PIBF1: variants seen among roughly 807,000 people sequenced by gnomAD.
PIBF1 encodes progesterone immunomodulatory binding factor 1, also known as progesterone-induced-blocking factor 1.
Under a neutral mutation model 112.5 loss-of-function variants are expected in PIBF1, and 90 were observed. That is an observed-to-expected ratio of 0.80 (90% CI 0.67 to 0.95). The LOEUF (loss-of-function observed/expected upper bound fraction) is 0.95, where lower values mean the gene tolerates loss of function less well. Ranked by LOEUF, PIBF1 falls within the 40% of genes least tolerant of loss-of-function variation. The pLI, the probability that PIBF1 is intolerant of heterozygous loss-of-function variation, is 0.00. For missense variants in PIBF1, 915 were observed against 852.3 expected, an observed-to-expected ratio of 1.07 and a Z score of -0.92; for synonymous variants, 301 against 288.6, an observed-to-expected ratio of 1.04 and a Z score of -0.44.
intron 14 of PIBF1, among the ~76,000 whole-genome samples, chr13:72,942,112 C>T (rs2042027665): frequency 6.6e-6 from 1 of 152,098 alleles, no homozygotes; most frequent in Admixed American, 6.6e-5. Context: ...CCAGTGAGCT[C>T]AGTCTCTTGG....
At chr13:72,933,012 G>C (rs182110300) in intron 14 of PIBF1, among the ~76,000 whole-genome samples, 162 of 152,198 alleles carry the variant, frequency 1.1e-3, no homozygotes, top group African/African-American at 3.8e-3. Context: ...TCATGTACAA[G>C]TCTTTGTATG....
chr13:72,983,446 G>A (rs1456647810), intron 16 of PIBF1, among the ~76,000 whole-genome samples: 2 of 152,150 alleles, frequency 1.3e-5, no homozygotes, highest in African/African-American at 2.4e-5. Flanking sequence ...TAAGTACTTA[G>A]AATGTACAAG....
Position 72,869,268 on chromosome 13 carries a change from A to G in PIBF1, c.1322+15113A>G, listed in dbSNP as rs113733257. Among the ~76,000 whole-genome samples the G allele has an allele frequency of 4.3e-3, 653 of 152,300 alleles. 10 individuals carry two copies. Among genetic ancestry groups the G allele is most frequent in the African/African-American group, 0.015 (607 of 41,556 alleles). On this transcript the variant is annotated intron_variant, in intron 10 of 17. Coordinates refer to ENST00000326291, the MANE Select transcript of PIBF1 (RefSeq NM_006346.4). ...TGAGAAAGTGTGGCACGTGTACACCATGGGATACTATGCAGCCATAAAAAA... is the reference window on the plus strand; with the variant it reads ...TGAGAAAGTGTGGCACGTGTACACCGTGGGATACTATGCAGCCATAAAAAA...
At chr13:72,970,088 C>T (rs550266503) in intron 15 of PIBF1, among the ~76,000 whole-genome samples, 1 of 152,228 alleles carries the variant, frequency 6.6e-6, no homozygotes, top group African/African-American at 2.4e-5. Context: ...TAATTGTATG[C>T]TTTTCTTAGA....
chr13:72,892,890 A>G (rs745787371), intron 10 of PIBF1, among the ~76,000 whole-genome samples: 13 of 152,032 alleles, frequency 8.6e-5, no homozygotes, highest in Non-Finnish European at 1.3e-4. Flanking sequence ...GGATTACCCT[A>G]TTGAAGCACT....
intron 4 of PIBF1, among the ~76,000 whole-genome samples, chr13:72,797,645 G>A (rs923414531): frequency 2.6e-5 from 4 of 152,142 alleles, no homozygotes; most frequent in African/African-American, 9.7e-5. Flanking sequence ...GTGAGCAGTA[G>A]TAGATGAGTA....
chr13:72,882,572 G>C (rs2039685540), intron 10 of PIBF1, among the ~76,000 whole-genome samples: 1 of 152,070 alleles, frequency 6.6e-6, no homozygotes, highest in South Asian at 2.1e-4. Context: ...TATATAAAGA[G>C]TTCAAACAAC....
At position 72,835,351 on chromosome 13, in the gene PIBF1, G is replaced by C; in HGVS notation, c.1206G>C (p.Met402Ile). The change falls in exon 9 of 18, where the codon ATG (methionine) becomes ATC (isoleucine). Residue 402 changes from methionine (M) to isoleucine (I), a missense_variant. Physicochemically the swap from Met to Ile is conservative, Grantham distance 10. Coordinates refer to ENST00000326291, the MANE Select transcript of PIBF1 (RefSeq NM_006346.4). ...AACTTCGAAATGCCTCTAGGGAAAT[G>C]TATGAACGAGAAAACAGGTAAAAAA... ...IDQLRNASRE[M>I]YERENRNLRE... 6.4e-7 allele frequency: 1 copy of C among 1,567,832 alleles called. No individual in the cohort carries two copies. Among genetic ancestry groups the C allele is most frequent in the Non-Finnish European group, 8.6e-7 (1 of 1,162,968 alleles).
chr13:72,949,667 C>T (rs1466972619), intron 14 of PIBF1, among the ~76,000 whole-genome samples: 1 of 152,160 alleles, frequency 6.6e-6, no homozygotes, highest in Non-Finnish European at 1.5e-5. Flanking sequence ...ATGAAGTGTA[C>T]CTTACATAGC....
chr13:73,012,758 CAATAATAAT>C (rs60685629), intron 17 of PIBF1, among the ~76,000 whole-genome samples: 1,921 of 147,558 alleles, frequency 0.013, 53 homozygotes, highest in African/African-American at 0.044. Flanking sequence ...CTGTCTCCAC[CAATAATAAT>C]AATAATAATA....
intron 14 of PIBF1, among the ~76,000 whole-genome samples, chr13:72,956,989 G>A (rs1483953811): frequency 2.0e-5 from 3 of 152,118 alleles, no homozygotes; most frequent in Admixed American, 1.3e-4. Flanking sequence ...TGCAAGAATG[G>A]CGTAATGAAA....
intron 14 of PIBF1, among the ~76,000 whole-genome samples, chr13:72,944,747 A>G (rs1378195927): frequency 6.6e-6 from 1 of 151,942 alleles, no homozygotes; most frequent in African/African-American, 2.4e-5. Flanking sequence ...GTACATGGGC[A>G]GGTTTATTAT....
chr13:72,841,734 G>A (rs1008468100), intron 9 of PIBF1, among the ~76,000 whole-genome samples: 3 of 152,176 alleles, frequency 2.0e-5, no homozygotes, highest in East Asian at 1.9e-4. Context: ...CATGCCATTT[G>A]CACTCCACCC....
Position 72,931,151 on chromosome 13 carries a change from T to C in PIBF1, c.1731-14T>C, listed in dbSNP as rs1187849363. 2 of 1,532,846 alleles carry C rather than the reference T, an allele frequency of 1.3e-6. No individual in the cohort carries two copies. Among genetic ancestry groups the C allele is most frequent in the Non-Finnish European group, 1.8e-6 (2 of 1,114,820 alleles). 95.0% of individuals were successfully genotyped at this position (1,532,846 alleles called of 1,614,324 possible). A position where few individuals can be genotyped will look rare whatever the true frequency, so the allele number is the denominator to read the frequency against. On this transcript the variant is annotated splice_polypyrimidine_tract_variant and intron_variant, in intron 13 of 17. Transcript: ENST00000326291. ...TCACTTTTAAGCATTAATTTTCTTA[T>C]TTCATTTGCCTAGTGTTCACTTGGC...
At chr13:72,868,886 C>CCTAACT (rs904118445) in intron 10 of PIBF1, among the ~76,000 whole-genome samples, 2 of 151,236 alleles carry the variant, frequency 1.3e-5, no homozygotes, top group Non-Finnish European at 2.9e-5. Flanking sequence ...TTGTCTGTAC[C>CCTAACT]CTAACTAAAT....
At chr13:72,808,469 T>A (rs760339937) in intron 5 of PIBF1, among the ~76,000 whole-genome samples, 6 of 152,216 alleles carry the variant, frequency 3.9e-5, no homozygotes, top group Non-Finnish European at 8.8e-5. Context: ...GTGAGTATTA[T>A]GTTGTTGAGA....
At chr13:72,924,286 G>A (rs146581876) in intron 13 of PIBF1, among the ~76,000 whole-genome samples, 156 of 152,224 alleles carry the variant, frequency 1.0e-3, no homozygotes, top group African/African-American at 3.6e-3. Context: ...TTAATACTGA[G>A]CATTAGTTGT....
intron 15 of PIBF1, among the ~76,000 whole-genome samples, chr13:72,968,606 A>G (rs539772512): frequency 6.6e-6 from 1 of 152,192 alleles, no homozygotes; most frequent in Non-Finnish European, 1.5e-5. Context: ...CAACCTGAGC[A>G]TTTGAAATGT....
chr13:72,863,406 C>T (rs1355695331), intron 10 of PIBF1, among the ~76,000 whole-genome samples: 1 of 152,048 alleles, frequency 6.6e-6, no homozygotes, highest in Non-Finnish European at 1.5e-5. Flanking sequence ...AATCCCAGCA[C>T]TTTGGGAGGC....
Sources: gnomAD v4.1 joint callset for allele counts (sites outside exome capture counted in the v4.1 genomes callset) on GRCh38, gnomAD v4.1.1 for gene constraint, MANE v1.5 for transcripts, NCBI Gene and HGNC (gene_info 2026-07-23, HGNC 2026-07-21) for gene names.